HPS1: variants seen among roughly 807,000 people sequenced by gnomAD.
The protein encoded by HPS1 is BLOC-3 complex member HPS1.
A neutral mutation model predicts 90.6 loss-of-function variants in HPS1; 59 were observed. The observed-to-expected ratio is 0.65, with a 90% CI of 0.53 to 0.81. The LOEUF (loss-of-function observed/expected upper bound fraction) is 0.81, where lower values mean the gene tolerates loss of function less well. HPS1 is among the 30% of genes least tolerant of loss of function. HPS1 has a pLI of 0.00. For missense variants in HPS1, 849 were observed against 896.7 expected (o/e 0.95, Z 0.68); for synonymous variants, 388 against 384.4 (o/e 1.01, Z -0.11).
At chr10:98,425,775 C>A (rs1416417599) in intron 12 of HPS1, 43 bp downstream of exon 12, 8 of 1,601,074 alleles carry the variant, frequency 5.0e-6, no homozygotes, top group Non-Finnish European at 6.8e-6. Context: ...GGAAGACGTG[C>A]CAACCCTAAG....
chr10:98,423,383 G>A (rs1845164635), intron 16 of HPS1, among the ~76,000 whole-genome samples: 1 of 149,918 alleles, frequency 6.7e-6, no homozygotes, highest in Non-Finnish European at 1.5e-5. Flanking sequence ...TTAACTTTGG[G>A]ACAGGAGGAA....
At chr10:98,444,870 C>T (rs1328676307) in intron 2 of HPS1, among the ~76,000 whole-genome samples, 1 of 152,124 alleles carries the variant, frequency 6.6e-6, no homozygotes, top group Non-Finnish European at 1.5e-5. Context: ...AGAGGCTGCT[C>T]TGGGACTCCC....
intron 17 of HPS1, chr10:98,420,421 A>C: frequency 2.4e-6 from 1 of 422,252 alleles, no homozygotes; most frequent in East Asian, 5.2e-5. Context: ...TATGCCATAA[A>C]TTAGTGAACT....
chr10:98,433,275 C>T (rs1004510208), intron 6 of HPS1, among the ~76,000 whole-genome samples: 1 of 151,276 alleles, frequency 6.6e-6, no homozygotes, highest in Admixed American at 6.6e-5. Flanking sequence ...GAGCCCCCAT[C>T]CCAGACTCGC....
At position 98,445,589 on chromosome 10, in the gene HPS1, C is replaced by T. The variant is rs1326367726; in HGVS notation, c.-105-185G>A. On this transcript the variant is annotated intron_variant, in intron 1 of 19. Transcript: ENST00000361490. This position sits in a 1 kb window ranked among gnomAD's most constrained non-coding sequence, Gnocchi z 4.5. ...CACCTCCCATAATGGAGAATAGGAA[C>T]CCGGCCAGCACAGCCCTTTGCACAG... Among the ~76,000 whole-genome samples, 1 of 152,186 alleles carries T rather than the reference C, an allele frequency of 6.6e-6. No homozygotes were observed. The highest frequency in any genetic ancestry group is 2.4e-5 in the African/African-American group (1 of 41,428).
rs376557022 is a variant in HPS1 at position 98,435,354 on chromosome 10, G to C, written c.316C>G (p.Arg106Gly). The change falls in exon 5 of 20, where the codon CGG (arginine) becomes GGG (glycine). Residue 106 changes from arginine (R) to glycine (G), a missense_variant. Physicochemically the swap from Arg to Gly is moderately radical, Grantham distance 125. Transcript: ENST00000361490. The surrounding 1 kb of genome is among the most constrained non-coding windows in gnomAD (Gnocchi z 4.3). ...TACTTGAGCACATACAGCTTCCGCC[G>C]CAGGTCCCCCTCGCTCTCGGTGTGG... Reference protein sequence around the residue: ...GDHTESEGDLRRKLYVLKYLF... With the variant: ...GDHTESEGDLGRKLYVLKYLF... The C allele has an allele frequency of 1.2e-6, 2 of 1,613,810 alleles. No homozygotes were observed. The highest frequency in any genetic ancestry group is 2.7e-5 in the African/African-American group (2 of 74,848).
chr10:98,421,985 C>G (rs900935349), intron 17 of HPS1, among the ~76,000 whole-genome samples: 3 of 93,890 alleles, frequency 3.2e-5, no homozygotes, highest in Non-Finnish European at 4.9e-5. Context: ...CACAGACACA[C>G]ACACACACAC....
In HPS1 at chr10:98,445,783, G is replaced by A. The variant is rs1184095835; in HGVS notation, c.-105-379C>T. ...AGGATGCAGTCCCGGTGAAGGGAGT[G>A]GGGATCCTGGGATGATACGATGAAT... On this transcript the variant is annotated intron_variant, in intron 1 of 19. Coordinates refer to ENST00000361490, the MANE Select transcript of HPS1 (RefSeq NM_000195.5). The surrounding 1 kb of genome is among the most constrained non-coding windows in gnomAD (Gnocchi z 4.5). Among the ~76,000 whole-genome samples, 3 of 152,178 alleles carry A rather than the reference G, an allele frequency of 2.0e-5. No individual in the cohort carries two copies. Among genetic ancestry groups the A allele is most frequent in the Non-Finnish European group, 4.4e-5 (3 of 68,038 alleles).
chr10:98,424,042 C>T (rs955351239), intron 14 of HPS1, among the ~76,000 whole-genome samples, 155 bp from the exon 15 acceptor site: 10 of 152,022 alleles, frequency 6.6e-5, no homozygotes, highest in African/African-American at 2.4e-4. Flanking sequence ...ACAGACCAAC[C>T]TGGGGAGCCC....
rs760925097 is a variant in HPS1 at position 98,434,066 on chromosome 10, G to A, written c.424C>T (p.Arg142Cys). 11 of 1,550,990 alleles carry A rather than the reference G, an allele frequency of 7.1e-6. No individual in the cohort carries two copies. The highest frequency in any genetic ancestry group is 5.5e-5 in the African/African-American group (4 of 73,132). The change falls in exon 6 of 20, where the codon CGT becomes TGT. Residue 142 changes from arginine (R) to cysteine (C), a missense_variant. Transcript: ENST00000361490. ...TGGAAGTGCTCCCACAGCTGGACAC[G>A]CTGCGCCAGGTCTGGGGGCCGCAGC... The part of the protein sequence containing the change: ...KELRPPDLAQ[R>C]VQLWEHFQSL...
intron 6 of HPS1, among the ~76,000 whole-genome samples, chr10:98,433,733 G>A (rs1224867174): frequency 6.6e-6 from 1 of 152,150 alleles, no homozygotes; most frequent in African/African-American, 2.4e-5. Flanking sequence ...AAAGATTCCT[G>A]TAATTTACAG....
At chr10:98,437,855 C>T (rs1937641496) in intron 3 of HPS1, among the ~76,000 whole-genome samples, 1 of 152,200 alleles carries the variant, frequency 6.6e-6, no homozygotes, top group African/African-American at 2.4e-5. Context: ...TTGTAATCCC[C>T]ATAATCCCCA....
chr10:98,427,502 A>G (rs531131643), intron 10 of HPS1, among the ~76,000 whole-genome samples: 1 of 152,340 alleles, frequency 6.6e-6, no homozygotes, highest in East Asian at 1.9e-4. Context: ...AGCTGCCCCC[A>G]GAGCCAGCTG....
chr10:98,430,690 GC>G lies in HPS1; in HGVS notation c.669-21del. ...CTGTGGCTGCAGACACAGGAGCATGGCCACCCATCAGCACATGCCCAGCAGG... is the reference window on the plus strand; with the variant it reads ...CTGTGGCTGCAGACACAGGAGCATGGCACCCATCAGCACATGCCCAGCAGG... On this transcript the variant is annotated intron_variant, in intron 7 of 19. Coordinates refer to ENST00000361490, the MANE Select transcript of HPS1 (RefSeq NM_000195.5). The G allele has an allele frequency of 6.5e-7, 1 of 1,544,160 alleles. No individual in the cohort carries two copies. The highest frequency in any genetic ancestry group is 8.8e-7 in the Non-Finnish European group (1 of 1,142,396).
intron 3 of HPS1, among the ~76,000 whole-genome samples, chr10:98,437,393 T>C (rs549462278): frequency 3.3e-5 from 5 of 152,354 alleles, no homozygotes; most frequent in East Asian, 1.9e-4. Flanking sequence ...TAGATGTTGA[T>C]AGAAACTCAT....
At chr10:98,440,879 A>G (rs1389279006) in intron 3 of HPS1, among the ~76,000 whole-genome samples, 1 of 152,204 alleles carries the variant, frequency 6.6e-6, no homozygotes, top group Non-Finnish European at 1.5e-5. Flanking sequence ...TAGTTGTAAC[A>G]GTAGTTTAAA....
chr10:98,414,481 G>A (rs1250997298), downstream of HPS1, among the ~76,000 whole-genome samples: 1 of 152,194 alleles, frequency 6.6e-6, no homozygotes, highest in African/African-American at 2.4e-5. Flanking sequence ...CAGACACGCA[G>A]TAGGAACTCT....
At chr10:98,414,682 G>A (rs987532336), downstream of HPS1, 18 of 227,028 alleles carry the variant, frequency 7.9e-5, no homozygotes, top group East Asian at 1.7e-3. Context: ...TGAGAATGTG[G>A]TGGAAACTAG....
chr10:98,417,711 G>C lies in HPS1; in HGVS notation c.1956C>G (p.Tyr652Ter), dbSNP rs1192503381. The C allele has an allele frequency of 1.9e-6, 3 of 1,613,832 alleles. No homozygotes were observed. Among genetic ancestry groups the C allele is most frequent in the Non-Finnish European group, 2.5e-6 (3 of 1,179,928 alleles). The change falls in exon 20 of 20, where the codon TAC (tyrosine) becomes TAG (stop). Residue 652 changes from tyrosine (Y) to a stop codon, truncating the protein, a stop_gained. Transcript: ENST00000361490. LOFTEE classifies it high-confidence loss of function. The surrounding 1 kb of genome is among the most constrained non-coding windows in gnomAD (Gnocchi z 4.2). Reference protein sequence around the residue: ...GGDYYRKLLRYYSKNRPTEAV... With the variant: ...GGDYYRKLLR ...CCTCGGTTGGGCGGTTCTTGCTGTAGTAGCGCAGGAGCTTCCTGGGGAGGA... is the reference window on the plus strand; with the variant it reads ...CCTCGGTTGGGCGGTTCTTGCTGTACTAGCGCAGGAGCTTCCTGGGGAGGA...
Sources: allele counts gnomAD v4.1 joint callset (sites outside exome capture counted in the v4.1 genomes callset), GRCh38; gene constraint gnomAD v4.1.1; non-coding constraint Gnocchi (gnomAD v3.1); transcripts MANE v1.5; gene names NCBI Gene and HGNC (gene_info 2026-07-23, HGNC 2026-07-21).